AMPH: variants seen among roughly 807,000 people sequenced by gnomAD.
The protein encoded by AMPH is amphiphysin (Stiff-Mann syndrome with breast cancer 128kD autoantigen).
Under a neutral mutation model 99.1 loss-of-function variants are expected in AMPH, and 49 were observed. The ratio of observed to expected loss-of-function variants is 0.49; its 90% CI spans 0.39 to 0.63. The LOEUF is 0.63. Among genes scored for constraint, AMPH ranks in the 20% least tolerant of loss-of-function variants. AMPH has a pLI of 0.00. For missense variants in AMPH, 759 were observed against 863.4 expected (o/e 0.88, Z 1.52); for synonymous variants, 314 against 317.3 (o/e 0.99, Z 0.11).
chr7:38,544,406 G>A (rs1303779254), intron 1 of AMPH, among the ~76,000 whole-genome samples: 1 of 152,182 alleles, frequency 6.6e-6, no homozygotes, highest in African/African-American at 2.4e-5. Context: ...AGGAGCAGCA[G>A]GAAAACACAA....
At chr7:38,581,908 G>A (rs1402966250) in intron 1 of AMPH, among the ~76,000 whole-genome samples, 2 of 152,138 alleles carry the variant, frequency 1.3e-5, no homozygotes, top group East Asian at 1.9e-4. Flanking sequence ...TGCAGAAGAC[G>A]GAGATGGGGT....
At position 38,580,700 on chromosome 7, in the gene AMPH, T is replaced by TGAC. The variant is rs896783774; in HGVS notation, c.70-45692_70-45690dup. Among the ~76,000 whole-genome samples the TGAC allele has an allele frequency of 6.0e-3, 868 of 143,690 alleles. 9 individuals carry two copies. The highest frequency in any genetic ancestry group is 0.021 in the African/African-American group (814 of 38,848). The allele number at this position is 143,690 out of a possible 152,430, so 94.3% of individuals were successfully genotyped here. ...ATGATGATGATGATGATGATGATGATGACGATGACGATAAGGGTCTGAGAA... is the reference window on the plus strand; with the variant it reads ...ATGATGATGATGATGATGATGATGATGACGACGATGACGATAAGGGTCTGAGAA... On this transcript the variant is annotated intron_variant, in intron 1 of 20. Transcript: ENST00000356264.
intron 1 of AMPH, among the ~76,000 whole-genome samples, chr7:38,547,649 T>G (rs574320385): frequency 6.6e-6 from 1 of 152,326 alleles, no homozygotes; most frequent in Non-Finnish European, 1.5e-5. Flanking sequence ...GACACAGGCT[T>G]AGGAGGTCCT....
intron 1 of AMPH, among the ~76,000 whole-genome samples, chr7:38,611,496 G>A (rs564060106): frequency 1.2e-4 from 19 of 152,146 alleles, no homozygotes; most frequent in South Asian, 8.3e-4. Flanking sequence ...TTTACAAGAC[G>A]TAAACATCTC....
At chr7:38,429,633 A>C in intron 14 of AMPH, 1 of 1,426,670 alleles carries the variant, frequency 7.0e-7, no homozygotes, top group Non-Finnish European at 9.3e-7. Context: ...GATGAAACAG[A>C]ACATGGTAAG....
chr7:38,464,990 C>G (rs930484561), intron 9 of AMPH, among the ~76,000 whole-genome samples: 1 of 152,130 alleles, frequency 6.6e-6, no homozygotes, highest in African/African-American at 2.4e-5. Context: ...TTCACCAGAT[C>G]AAGAGTCAGG....
intron 11 of AMPH, among the ~76,000 whole-genome samples, chr7:38,438,439 A>G (rs111745048): frequency 1.3e-5 from 2 of 152,312 alleles, no homozygotes; most frequent in African/African-American, 4.8e-5. Context: ...TCTGACTCCA[A>G]TGCCTGCCAG....
At chr7:38,457,555 A>C (rs1460222065) in intron 11 of AMPH, among the ~76,000 whole-genome samples, 1 of 152,226 alleles carries the variant, frequency 6.6e-6, no homozygotes, top group Non-Finnish European at 1.5e-5. Flanking sequence ...GATATTTGGG[A>C]CAATATAATG....
At chr7:38,513,429 G>A (rs1260779447) in intron 2 of AMPH, among the ~76,000 whole-genome samples, 1 of 152,086 alleles carries the variant, frequency 6.6e-6, no homozygotes, top group Non-Finnish European at 1.5e-5. Flanking sequence ...ATTGTGGAAA[G>A]GTATAGAAAT....
At chr7:38,424,173 G>A (rs1399516033) in intron 15 of AMPH, among the ~76,000 whole-genome samples, 1 of 152,164 alleles carries the variant, frequency 6.6e-6, no homozygotes, top group Non-Finnish European at 1.5e-5. Context: ...GAAAAGATAA[G>A]CCAGAAAGTC....
chr7:38,589,802 T>C (rs10499607), intron 1 of AMPH, among the ~76,000 whole-genome samples: 21,683 of 152,212 alleles, frequency 0.14, 1,862 homozygotes, highest in Non-Finnish European at 0.2. Context: ...AATGCCAGTT[T>C]TATATGCCCA....
intron 17 of AMPH, among the ~76,000 whole-genome samples, chr7:38,401,506 C>A (rs1945705081): frequency 6.6e-6 from 1 of 152,178 alleles, no homozygotes; most frequent in South Asian, 2.1e-4. Flanking sequence ...AAGTCTCTAG[C>A]ACCTTATGTA....
Position 38,461,427 on chromosome 7 carries a change from T to G in AMPH, c.889-16A>C, listed in dbSNP as rs1787439222. The G allele has an allele frequency of 6.2e-7, 1 of 1,613,726 alleles. No homozygotes were observed. The highest frequency in any genetic ancestry group is 8.5e-7 in the Non-Finnish European group (1 of 1,179,784). ...CTTTCCTTGTCTAGGAAGCATTAAA[T>G]ACAAACATTAATCCAGCCAAAGACA... On this transcript the variant is annotated splice_polypyrimidine_tract_variant and intron_variant, in intron 10 of 20. Coordinates refer to ENST00000356264, the MANE Select transcript of AMPH (RefSeq NM_001635.4).
intron 2 of AMPH, among the ~76,000 whole-genome samples, chr7:38,521,373 T>C (rs1789950284): frequency 6.6e-6 from 1 of 151,988 alleles, no homozygotes; most frequent in Non-Finnish European, 1.5e-5. Context: ...ACACAAAAAT[T>C]AGTCAGGCGT....
chr7:38,517,524 C>A (rs1562802449), intron 2 of AMPH, among the ~76,000 whole-genome samples: 1 of 152,166 alleles, frequency 6.6e-6, no homozygotes, highest in Non-Finnish European at 1.5e-5. Flanking sequence ...GAATCATGAG[C>A]CAATTAAACC....
chr7:38,503,504 G>GCGGC (rs58295141), intron 3 of AMPH, 146 bp downstream of exon 3: 1 of 510,460 alleles, frequency 2.0e-6, no homozygotes, highest in African/African-American at 2.2e-5. Flanking sequence ...GCGGGGGGGT[G>GCGGC]GGTGGTGGAA....
At chr7:38,445,010 T>TATATACACACAC (rs1458295332) in intron 11 of AMPH, among the ~76,000 whole-genome samples, 1 of 125,990 alleles carries the variant, frequency 7.9e-6, no homozygotes, top group East Asian at 2.7e-4. Context: ...TATATATATA[T>TATATACACACAC]ACACACACAC....
At chr7:38,385,050 AAGTGC>A in intron 20 of AMPH, 125 bp from the exon 21 acceptor site, 1 of 822,966 alleles carries the variant, frequency 1.2e-6, no homozygotes, top group Non-Finnish European at 2.0e-6. Flanking sequence ...ATTACAGGTA[AAGTGC>A]TGTGCCGTGA....
At position 38,468,998 on chromosome 7, in the gene AMPH, C is replaced by CA. The variant is rs1289470120; in HGVS notation, c.591-2751dup. On this transcript the variant is annotated intron_variant, in intron 7 of 20. Coordinates refer to ENST00000356264, the MANE Select transcript of AMPH (RefSeq NM_001635.4). Reference sequence around the variant, plus strand: ...TGAAACCCCGTCTCTACTAAAAATACAAAAAATTAGCCGGGCGTAGTGGCG... The same window carrying CA: ...TGAAACCCCGTCTCTACTAAAAATACAAAAAAATTAGCCGGGCGTAGTGGCG... Among the ~76,000 whole-genome samples, 2 of 116,926 alleles carry CA rather than the reference C, an allele frequency of 1.7e-5. 1 individual carries two copies. The highest frequency in any genetic ancestry group is 3.4e-5 in the Non-Finnish European group (2 of 58,350). 76.7% of individuals were successfully genotyped at this position (116,926 alleles called of 152,430 possible).
Sources: gnomAD v4.1 joint callset for allele counts (sites outside exome capture counted in the v4.1 genomes callset) on GRCh38, gnomAD v4.1.1 for gene constraint, MANE v1.5 for transcripts, NCBI Gene and HGNC (gene_info 2026-07-23, HGNC 2026-07-21) for gene names.